The following KCNIP4 variants were observed in gnomAD, a reference collection of about 807,000 sequenced individuals.
KCNIP4 encodes the protein Kv channel-interacting protein 4.
In KCNIP4, 12 loss-of-function variants were observed where a neutral mutation model predicts 34.0. That is an observed-to-expected ratio of 0.35 (90% CI 0.23 to 0.57). KCNIP4 has a LOEUF of 0.57. KCNIP4 is among the 20% of genes least tolerant of loss of function. The probability of loss-of-function intolerance (pLI) is 0.83; values close to 1 mark genes in which losing one functional copy is unlikely to be tolerated. For missense variants in KCNIP4, 238 were observed against 311.7 expected (o/e 0.76, Z 1.78); for synonymous variants, 124 against 102.2 (o/e 1.21, Z -1.29).
At position 20,838,410 on chromosome 4, in the gene KCNIP4, T is replaced by G. The variant is rs185072963; in HGVS notation, c.288+12133A>C. Among the ~76,000 whole-genome samples the G allele has an allele frequency of 2.5e-3, 374 of 152,328 alleles. 3 individuals carry two copies. Among genetic ancestry groups the G allele is most frequent in the Non-Finnish European group, 3.7e-3 (251 of 68,026 alleles). Reference sequence around the variant, plus strand: ...AGAAAAATTCAGGAGAAGCAAGTTTTGTTGACTTTATCAGAATGCTGTTTG... The same window carrying G: ...AGAAAAATTCAGGAGAAGCAAGTTTGGTTGACTTTATCAGAATGCTGTTTG... On this transcript the variant is annotated intron_variant, in intron 3 of 8. Transcript: ENST00000382152.
intron 1 of KCNIP4, among the ~76,000 whole-genome samples, chr4:21,460,210 C>T (rs963181323): frequency 2.0e-5 from 3 of 151,664 alleles, no homozygotes; most frequent in African/African-American, 7.3e-5. Flanking sequence ...GGGGCATTCA[C>T]AAAATTGCTT....
intron 1 of KCNIP4, among the ~76,000 whole-genome samples, chr4:20,963,495 A>C (rs1251014296): frequency 6.6e-6 from 1 of 152,110 alleles, no homozygotes; most frequent in Non-Finnish European, 1.5e-5. Context: ...CTTCAAGTTA[A>C]ATAACAATGA....
At chr4:21,231,567 A>T (rs1758788783) in intron 1 of KCNIP4, among the ~76,000 whole-genome samples, 1 of 152,078 alleles carries the variant, frequency 6.6e-6, no homozygotes. Context: ...GTGCCTTGGT[A>T]TTGGGTTGGC....
At chr4:21,610,545 T>C (rs1503993) in intron 1 of KCNIP4, among the ~76,000 whole-genome samples, 105,011 of 152,062 alleles carry the variant, frequency 0.69, 36,755 homozygotes, top group East Asian at 0.89. Flanking sequence ...TGACACAATT[T>C]AGCCCATAAC....
intron 1 of KCNIP4, among the ~76,000 whole-genome samples, chr4:20,950,890 A>G (rs956208468): frequency 3.9e-5 from 6 of 152,038 alleles, no homozygotes; most frequent in Admixed American, 2.0e-4. Context: ...CCCATTCTCC[A>G]TTTTAAAATA....
intron 1 of KCNIP4, among the ~76,000 whole-genome samples, chr4:21,350,617 G>A (rs1717912882): frequency 6.6e-6 from 1 of 152,228 alleles, no homozygotes; most frequent in Non-Finnish European, 1.5e-5. Context: ...GAGTGGAGGT[G>A]AAGCATCCCC....
intron 1 of KCNIP4, among the ~76,000 whole-genome samples, chr4:21,523,048 G>A (rs1295421147): frequency 6.6e-6 from 1 of 151,794 alleles, no homozygotes; most frequent in Non-Finnish European, 1.5e-5. Context: ...AAAAAAGGGG[G>A]GGACACTATT....
intron 1 of KCNIP4, among the ~76,000 whole-genome samples, chr4:21,767,347 A>T (rs1211531354): frequency 6.6e-6 from 1 of 151,964 alleles, no homozygotes; most frequent in East Asian, 1.9e-4. Context: ...GAGCTGATAC[A>T]TGTTTAAAGG....
intron 1 of KCNIP4, among the ~76,000 whole-genome samples, chr4:21,546,238 C>G (rs915743858): frequency 1.3e-5 from 2 of 152,082 alleles, no homozygotes; most frequent in Admixed American, 6.6e-5. Flanking sequence ...GTTCTACCCA[C>G]AATTATTTTG....
At chr4:21,309,026 C>G (rs1712824323) in intron 1 of KCNIP4, among the ~76,000 whole-genome samples, 1 of 152,120 alleles carries the variant, frequency 6.6e-6, no homozygotes, top group Admixed American at 6.5e-5. Context: ...GCAGTTTATT[C>G]AAAATCACCA....
intron 1 of KCNIP4, among the ~76,000 whole-genome samples, chr4:21,379,805 T>G (rs1051860111): frequency 1.3e-5 from 2 of 152,164 alleles, no homozygotes; most frequent in African/African-American, 4.8e-5. Context: ...GTATAGAAAT[T>G]TTGTAAGTGC....
At chr4:21,699,216 G>C (rs952487036) in intron 1 of KCNIP4, among the ~76,000 whole-genome samples, 3 of 152,182 alleles carry the variant, frequency 2.0e-5, no homozygotes, top group Admixed American at 2.0e-4. Context: ...ACTTGTTGGA[G>C]AGTAAAATAA....
chr4:20,982,582 A>G (rs1482262400), intron 1 of KCNIP4, among the ~76,000 whole-genome samples: 1 of 152,260 alleles, frequency 6.6e-6, no homozygotes, highest in Non-Finnish European at 1.5e-5. Flanking sequence ...TATTGAGAAT[A>G]AAGAAGATAC....
At chr4:21,547,762 A>C (rs1259187210) in intron 1 of KCNIP4, among the ~76,000 whole-genome samples, 1 of 152,134 alleles carries the variant, frequency 6.6e-6, no homozygotes, top group African/African-American at 2.4e-5. Context: ...GAATATTTGC[A>C]TACGTATTTG....
At chr4:20,999,414 G>GTTTTTTTTTTTTTTT (rs5856594) in intron 1 of KCNIP4, among the ~76,000 whole-genome samples, 1 of 95,344 alleles carries the variant, frequency 1.0e-5, no homozygotes, top group African/African-American at 4.7e-5. Context: ...TTGTGGTGGT[G>GTTTTTTTTTTTTTTT]TTTTTTTTTT....
chr4:21,660,205 T>C (rs1252073499), intron 1 of KCNIP4, among the ~76,000 whole-genome samples: 1 of 152,114 alleles, frequency 6.6e-6, no homozygotes, highest in African/African-American at 2.4e-5. Context: ...TCCTCCTTAT[T>C]TATATATACC....
chr4:21,699,858 C>A (rs1482032880), intron 1 of KCNIP4, among the ~76,000 whole-genome samples: 3 of 152,052 alleles, frequency 2.0e-5, no homozygotes, highest in Non-Finnish European at 4.4e-5. Context: ...AAAGGATGAA[C>A]TGCCAGGGAG....
At chr4:21,459,949 G>A (rs1454102933) in intron 1 of KCNIP4, among the ~76,000 whole-genome samples, 4 of 151,756 alleles carry the variant, frequency 2.6e-5, no homozygotes, top group Non-Finnish European at 5.9e-5. Context: ...TCACAACCTT[G>A]TAATCTCCTC....
intron 1 of KCNIP4, among the ~76,000 whole-genome samples, chr4:21,792,788 G>C (rs1720383367): frequency 6.6e-6 from 1 of 152,232 alleles, no homozygotes; most frequent in Admixed American, 6.5e-5. Flanking sequence ...CTCTGATTGT[G>C]AAGGGTTATG....
Sources: gnomAD v4.1 joint callset for allele counts (sites outside exome capture counted in the v4.1 genomes callset) on GRCh38, gnomAD v4.1.1 for gene constraint, MANE v1.5 for transcripts, NCBI Gene and HGNC (gene_info 2026-07-23, HGNC 2026-07-21) for gene names.